Variants in CMTM4 observed in about 807,000 individuals in gnomAD.
CMTM4 encodes the protein CKLF like MARVEL transmembrane domain containing 4.
Under a neutral mutation model 19.0 loss-of-function variants are expected in CMTM4, and 8 were observed. That is an observed-to-expected ratio of 0.42 (90% CI 0.25 to 0.76). CMTM4 has a LOEUF of 0.76. Ranked by LOEUF, CMTM4 falls within the 30% of genes least tolerant of loss-of-function variation. CMTM4 has a pLI of 0.27. For synonymous variants in CMTM4, 106 were observed against 121.1 expected, an observed-to-expected ratio of 0.88 and a Z score of 0.82; for missense variants, 228 against 290.2, an observed-to-expected ratio of 0.79 and a Z score of 1.56.
At position 66,615,156 on chromosome 16, in the gene CMTM4, G is replaced by C. The variant is rs924195853; in HGVS notation, c.*6902C>G. On this transcript the variant is annotated 3_prime_UTR_variant, in exon 4 of 4. Transcript: ENST00000394106. The surrounding 1 kb of genome is among the most constrained non-coding windows in gnomAD (Gnocchi z 4.9). ...AGTTGTGTCTTTAAACTGCCGAAAT[G>C]AAAGAGACTTGATGAGTAAAATGTG... 6 of 152,252 alleles carry C rather than the reference G, an allele frequency of 3.9e-5. No homozygotes were observed. The highest frequency in any genetic ancestry group is 1.4e-4 in the African/African-American group (6 of 41,476). 9.4% of individuals were successfully genotyped at this position (152,252 alleles called of 1,614,324 possible). A position where few individuals can be genotyped will look rare whatever the true frequency, so the allele number is the denominator to read the frequency against.
rs2016806818 is a variant in CMTM4, at chr16:66,676,162, T to G, written c.186+20178A>C. On this transcript the variant is annotated intron_variant, in intron 1 of 3. Transcript: ENST00000394106. ...CAGGATTTTGTTGCAATACAAACTTTGGGGCTCTCAGTCAATTAATTGCCT... is the reference window on the plus strand; with the variant it reads ...CAGGATTTTGTTGCAATACAAACTTGGGGGCTCTCAGTCAATTAATTGCCT... Among the ~76,000 whole-genome samples the G allele has an allele frequency of 2.6e-5, 4 of 152,242 alleles. No homozygotes were observed. In the South Asian group the frequency reaches 8.3e-4, roughly 31 times the overall value.
In CMTM4 at chr16:66,620,442, T is replaced by C; in HGVS notation, c.*1616A>G. The C allele has an allele frequency of 1.0e-6, 1 of 985,438 alleles. No homozygotes were observed. Among genetic ancestry groups the C allele is most frequent in the Non-Finnish European group, 1.2e-6 (1 of 829,956 alleles). The allele number at this position is 985,438 out of a possible 1,614,324, so 61.0% of individuals were successfully genotyped here. A position where few individuals can be genotyped will look rare whatever the true frequency, so the allele number is the denominator to read the frequency against. Reference sequence around the variant, plus strand: ...CCCAACTCAGATCGTACTGAAGGTGTTGGTGCAGGAAGCTAACCCCAACTC... The same window carrying C: ...CCCAACTCAGATCGTACTGAAGGTGCTGGTGCAGGAAGCTAACCCCAACTC... On this transcript the variant is annotated 3_prime_UTR_variant, in exon 4 of 4. Coordinates refer to ENST00000394106, the MANE Select transcript of CMTM4 (RefSeq NM_181521.3).
intron 1 of CMTM4, among the ~76,000 whole-genome samples, chr16:66,662,554 T>G (rs2016517252): frequency 6.6e-6 from 1 of 152,090 alleles, no homozygotes; most frequent in South Asian, 2.1e-4. Flanking sequence ...CAGACAACCC[T>G]GAAGTGTCAG....
chr16:66,648,767 T>C (rs1302790319), intron 1 of CMTM4, among the ~76,000 whole-genome samples: 5 of 149,190 alleles, frequency 3.4e-5, no homozygotes, highest in African/African-American at 1.2e-4. Flanking sequence ...AGGTCAGGAG[T>C]TCAAGACCAG....
intron 2 of CMTM4, among the ~76,000 whole-genome samples, chr16:66,631,074 C>T (rs931739889): frequency 2.6e-5 from 4 of 151,838 alleles, no homozygotes; most frequent in African/African-American, 9.7e-5. Context: ...GCCACCCCAT[C>T]TGAGAAGTGA....
At chr16:66,639,869 T>G (rs962876205) in intron 1 of CMTM4, among the ~76,000 whole-genome samples, 7 of 151,858 alleles carry the variant, frequency 4.6e-5, no homozygotes, top group African/African-American at 1.5e-4. Context: ...AATACAAAAA[T>G]TAGCCAGATG....
At chr16:66,671,131 G>A (rs909272490) in intron 1 of CMTM4, among the ~76,000 whole-genome samples, 1 of 152,180 alleles carries the variant, frequency 6.6e-6, no homozygotes, top group African/African-American at 2.4e-5. Flanking sequence ...ATTTATGTAT[G>A]ACTTGACTGT....
At position 66,622,193 on chromosome 16, in the gene CMTM4, A is replaced by G. The variant is rs2015651307; in HGVS notation, c.492T>C (p.Tyr164=). Residue 164 remains tyrosine (Y), a synonymous_variant, in exon 4 of 4, where the codon TAT becomes TAC. Coordinates refer to ENST00000394106, the MANE Select transcript of CMTM4 (RefSeq NM_181521.3). This position sits in a 1 kb window ranked among gnomAD's most constrained non-coding sequence, Gnocchi z 4.0. ...GCACTGCCAGGAATGTGTTCACTGC[A>G]TATGCCGCAGTCGCCAAGAAGCCAA... is the stretch of plus-strand genomic sequence containing the variant. ...VIFGFLATAA[Y]AVNTFLAVQK... The G allele has an allele frequency of 1.9e-6, 3 of 1,614,002 alleles. No homozygotes were observed. The highest frequency in any genetic ancestry group is 1.7e-6 in the Non-Finnish European group (2 of 1,179,996).
chr16:66,690,100 T>C (rs1000902844), intron 1 of CMTM4, among the ~76,000 whole-genome samples: 2 of 152,156 alleles, frequency 1.3e-5, no homozygotes, highest in African/African-American at 4.8e-5. Context: ...CTCCTAAAGA[T>C]AACAATCTTC....
chr16:66,658,718 G>A (rs1230776587), intron 1 of CMTM4, among the ~76,000 whole-genome samples: 1 of 152,128 alleles, frequency 6.6e-6, no homozygotes, highest in Non-Finnish European at 1.5e-5. Flanking sequence ...CACACCACTA[G>A]GTGCCAGTAC....
intron 1 of CMTM4, among the ~76,000 whole-genome samples, chr16:66,648,931 C>T (rs987961999): frequency 6.6e-6 from 1 of 152,124 alleles, no homozygotes; most frequent in African/African-American, 2.4e-5. Context: ...AAGATCATTC[C>T]ACTGCACTCC....
At chr16:66,640,237 T>C (rs777428273) in intron 1 of CMTM4, among the ~76,000 whole-genome samples, 24 of 151,978 alleles carry the variant, frequency 1.6e-4, no homozygotes, top group Non-Finnish European at 3.2e-4. Context: ...GGGGCGGAGG[T>C]TGCAGTGAGC....
chr16:66,660,200 C>A (rs1220347746), intron 1 of CMTM4, among the ~76,000 whole-genome samples: 2 of 151,956 alleles, frequency 1.3e-5, no homozygotes, highest in African/African-American at 4.8e-5. Flanking sequence ...CCAGCCCGGG[C>A]AATCTAGTGA....
chr16:66,615,114 C>T lies in CMTM4; in HGVS notation c.*6944G>A, dbSNP rs1239254238. The T allele has an allele frequency of 2.0e-5, 3 of 152,234 alleles. No individual in the cohort carries two copies. Among genetic ancestry groups the T allele is most frequent in the African/African-American group, 4.8e-5 (2 of 41,456 alleles). 9.4% of individuals were successfully genotyped at this position (152,234 alleles called of 1,614,324 possible). On this transcript the variant is annotated 3_prime_UTR_variant, in exon 4 of 4. Transcript: ENST00000394106. This position sits in a 1 kb window ranked among gnomAD's most constrained non-coding sequence, Gnocchi z 4.9. ...AAACCTAAGTTTGCCCAACGGGCAT[C>T]GCCTCAGAAAGCCCACAGTTGTGTC...
intron 1 of CMTM4, among the ~76,000 whole-genome samples, chr16:66,664,278 C>A (rs2016552066): frequency 6.6e-6 from 1 of 150,738 alleles, no homozygotes; most frequent in Non-Finnish European, 1.5e-5. Context: ...ATGAAGAGAA[C>A]TCATAGCCAA....
Position 66,620,498 on chromosome 16 carries a change from A to T in CMTM4, c.*1560T>A. 1.0e-6 allele frequency: 1 copy of T among 985,500 alleles called. No individual in the cohort carries two copies. The highest frequency in any genetic ancestry group is 1.2e-6 in the Non-Finnish European group (1 of 829,978). The allele number at this position is 985,500 out of a possible 1,614,324, so 61.0% of individuals were successfully genotyped here. On this transcript the variant is annotated 3_prime_UTR_variant, in exon 4 of 4. Coordinates refer to ENST00000394106, the MANE Select transcript of CMTM4 (RefSeq NM_181521.3). ...CCCAGCCCAGCAGTGTTGCCTGATC[A>T]ACACTGTGAGCTCAGATGCTGTCCT...
At chr16:66,664,001 G>A (rs937117909) in intron 1 of CMTM4, among the ~76,000 whole-genome samples, 4 of 152,140 alleles carry the variant, frequency 2.6e-5, no homozygotes, top group Non-Finnish European at 5.9e-5. Flanking sequence ...GGGAGGCTGA[G>A]GCAGGCAGAT....
At chr16:66,608,556 T>G in the CMTM4 span, 2 of 1,323,532 alleles carry the variant, frequency 1.5e-6, no homozygotes, top group Non-Finnish European at 2.1e-6. This position sits in a 1 kb window ranked among gnomAD's most constrained non-coding sequence, Gnocchi z 5.1. Flanking sequence ...TTATCCTTTC[T>G]CTAGTGTGCT....
chr16:66,642,856 T>A (rs1465585715), intron 1 of CMTM4, among the ~76,000 whole-genome samples: 2 of 152,202 alleles, frequency 1.3e-5, no homozygotes, highest in Non-Finnish European at 2.9e-5. Context: ...GAAGTTACCA[T>A]AATAGTCATC....
Sources: gnomAD v4.1 joint callset for allele counts (sites outside exome capture counted in the v4.1 genomes callset) on GRCh38, gnomAD v4.1.1 for gene constraint, Gnocchi (gnomAD v3.1) non-coding constraint, MANE v1.5 for transcripts, NCBI Gene and HGNC (gene_info 2026-07-23, HGNC 2026-07-21) for gene names.